The following SGIP1 variants were observed in gnomAD, a reference collection of about 807,000 sequenced individuals.
SGIP1 encodes SH3-containing GRB2-like protein 3-interacting protein 1.
Under a neutral mutation model 107.5 loss-of-function variants are expected in SGIP1, and 38 were observed. The ratio of observed to expected loss-of-function variants is 0.35; its 90% CI spans 0.27 to 0.46. The LOEUF (loss-of-function observed/expected upper bound fraction) is 0.46. SGIP1 is among the 20% of genes least tolerant of loss of function. The pLI, the probability that SGIP1 is intolerant of heterozygous loss-of-function variation, is 1.00. For synonymous variants in SGIP1, 365 were observed against 366.1 expected (o/e 1.00, Z 0.03); for missense variants, 929 against 1,019.5 (o/e 0.91, Z 1.21).
At chr1:66,621,627 A>G (rs2071155234) in intron 1 of SGIP1, among the ~76,000 whole-genome samples, 1 of 152,220 alleles carries the variant, frequency 6.6e-6, no homozygotes, top group Admixed American at 6.5e-5. Flanking sequence ...GGCCTCTGTC[A>G]ACCTCCAATC....
rs147085081 is a variant in SGIP1, at chr1:66,702,795, G to A, written c.1630+7302G>A. ...TATGTCTGTCATACAAAGGCCAATA[G>A]GTTTAAAATAGATAAACATTGGGCA... On this transcript the variant is annotated intron_variant, in intron 18 of 24. Transcript: ENST00000371037. Among the ~76,000 whole-genome samples, 305 of 152,198 alleles carry A rather than the reference G, an allele frequency of 2.0e-3. 1 individual carries two copies. The highest frequency in any genetic ancestry group is 6.9e-3 in the African/African-American group (285 of 41,528).
chr1:66,594,443 A>C (rs1641203322), intron 1 of SGIP1, among the ~76,000 whole-genome samples: 1 of 152,080 alleles, frequency 6.6e-6, no homozygotes, highest in African/African-American at 2.4e-5. Flanking sequence ...AGTGTGATGA[A>C]GAAGAGTGTG....
intron 19 of SGIP1, among the ~76,000 whole-genome samples, chr1:66,725,921 G>A (rs1451041284): frequency 6.6e-6 from 1 of 152,228 alleles, no homozygotes; most frequent in East Asian, 1.9e-4. Context: ...TGGCAGTGGA[G>A]AAGGTGTGAA....
chr1:66,656,989 G>A (rs72669468), intron 7 of SGIP1, among the ~76,000 whole-genome samples: 19,318 of 151,684 alleles, frequency 0.13, 1,703 homozygotes, highest in Middle Eastern at 0.2. Context: ...GCAACATAGC[G>A]AGACCCCGTC....
At chr1:66,651,726 G>A (rs556725209) in intron 7 of SGIP1, among the ~76,000 whole-genome samples, 18 of 152,238 alleles carry the variant, frequency 1.2e-4, no homozygotes, top group African/African-American at 3.4e-4. Context: ...ACAGGAGAGC[G>A]AGGCTGAGTT....
intron 24 of SGIP1, among the ~76,000 whole-genome samples, chr1:66,742,509 G>A (rs367660646): frequency 4.2e-3 from 312 of 74,018 alleles, no homozygotes; most frequent in Middle Eastern, 0.012. Flanking sequence ...TCACTCTGTC[G>A]CCCAGGCTGG....
intron 17 of SGIP1, among the ~76,000 whole-genome samples, chr1:66,693,971 A>AAAAGC (rs2150138220): frequency 6.6e-6 from 1 of 152,356 alleles, no homozygotes; most frequent in African/African-American, 2.4e-5. Context: ...TGGCCATGTT[A>AAAAGC]AAAGCATCTA....
intron 5 of SGIP1, among the ~76,000 whole-genome samples, chr1:66,640,964 G>A (rs1237461646): frequency 2.6e-5 from 4 of 152,104 alleles, no homozygotes; most frequent in African/African-American, 7.2e-5. Flanking sequence ...GAACCCGGGA[G>A]GCAGAGGTTG....
intron 7 of SGIP1, among the ~76,000 whole-genome samples, chr1:66,651,246 A>G (rs2078693021): frequency 1.3e-5 from 2 of 152,192 alleles, no homozygotes; most frequent in Admixed American, 1.3e-4. Flanking sequence ...AGCTGTGAAC[A>G]CGAGTGCTGT....
chr1:66,599,841 C>A (rs1032662957), intron 1 of SGIP1, among the ~76,000 whole-genome samples: 4 of 152,150 alleles, frequency 2.6e-5, no homozygotes, highest in African/African-American at 9.7e-5. Flanking sequence ...GATGGCTGAT[C>A]CTGCATTTCA....
intron 1 of SGIP1, among the ~76,000 whole-genome samples, chr1:66,572,630 A>G (rs1046952283): frequency 3.3e-5 from 5 of 152,068 alleles, no homozygotes; most frequent in African/African-American, 9.7e-5. Flanking sequence ...GACTTTGTGT[A>G]TCATCAACTT....
chr1:66,740,787 A>T lies in SGIP1; in HGVS notation c.2299+65A>T, dbSNP rs973776395. 3.9e-6 allele frequency: 4 copies of T among 1,016,600 alleles called. No individual in the cohort carries two copies. The African/African-American group carries it at 6.5e-5, about 16-fold the overall frequency. 63.0% of individuals were successfully genotyped at this position (1,016,600 alleles called of 1,614,324 possible). On this transcript the variant is annotated intron_variant, in intron 23 of 24. Coordinates refer to ENST00000371037, the MANE Select transcript of SGIP1 (RefSeq NM_032291.4). Reference sequence around the variant, plus strand: ...CTAAAATGGCTTTAGGTATTTGCCAACTATTACCCAAAACATGTAGCAATA... The same window carrying T: ...CTAAAATGGCTTTAGGTATTTGCCATCTATTACCCAAAACATGTAGCAATA...
At position 66,677,007 on chromosome 1, in the gene SGIP1, T is replaced by C. The variant is rs570677786; in HGVS notation, c.650T>C (p.Leu217Pro). 6 of 1,607,998 alleles carry C rather than the reference T, an allele frequency of 3.7e-6. No homozygotes were observed. The African/African-American group carries it at 8.0e-5, about 22-fold the overall frequency. Residue 217 changes from leucine (L) to proline (P), a missense_variant, in exon 13 of 25, where the codon CTT becomes CCT. By Grantham distance (98) the Leu-to-Pro change is moderately conservative. This residue lies in a region of SGIP1 where 588 missense variants were observed against 588.6 expected (regional missense o/e 1.00). Coordinates refer to ENST00000371037, the MANE Select transcript of SGIP1 (RefSeq NM_032291.4). ...AAATCTTCTTTTTTGTTTCCAGTTCTTTTAGATCAGCCTGAGATATGGGGT... is the reference window on the plus strand; with the variant it reads ...AAATCTTCTTTTTTGTTTCCAGTTCCTTTAGATCAGCCTGAGATATGGGGT... ...SAFDEQKTEV[L>P]LDQPEIWGSG...
At chr1:66,583,315 C>T (rs930924067) in intron 1 of SGIP1, among the ~76,000 whole-genome samples, 1 of 152,028 alleles carries the variant, frequency 6.6e-6, no homozygotes, top group Non-Finnish European at 1.5e-5. Context: ...GTAATGTTTG[C>T]ACTGGAAAAT....
intron 1 of SGIP1, among the ~76,000 whole-genome samples, chr1:66,594,123 T>C (rs372433608): frequency 6.6e-6 from 1 of 152,102 alleles, no homozygotes; most frequent in Non-Finnish European, 1.5e-5. Flanking sequence ...TTGGTAGCCA[T>C]AAAATCTAGA....
At chr1:66,583,719 T>G (rs1213857931) in intron 1 of SGIP1, among the ~76,000 whole-genome samples, 2 of 152,134 alleles carry the variant, frequency 1.3e-5, no homozygotes, top group Non-Finnish European at 2.9e-5. Flanking sequence ...TTCTGCATAC[T>G]CCTTAGTCAC....
intron 1 of SGIP1, among the ~76,000 whole-genome samples, chr1:66,600,001 C>T (rs547643032): frequency 3.1e-4 from 47 of 152,144 alleles, no homozygotes; most frequent in South Asian, 8.3e-4. Context: ...AACCCAAGGT[C>T]CAATGAATGC....
At chr1:66,661,804 T>TTC (rs3077735) in intron 8 of SGIP1, among the ~76,000 whole-genome samples, 105,355 of 151,860 alleles carry the variant, frequency 0.69, 38,312 homozygotes, top group East Asian at 1. Context: ...GCTTTAAAAA[T>TTC]TCTCTTTTTC....
intron 21 of SGIP1, among the ~76,000 whole-genome samples, chr1:66,736,923 T>C (rs1350780478): frequency 6.6e-6 from 1 of 152,038 alleles, no homozygotes; most frequent in African/African-American, 2.4e-5. Context: ...GAATATAATT[T>C]TTTCTTGTGA....
Sources: gnomAD v4.1 joint callset for allele counts (sites outside exome capture counted in the v4.1 genomes callset) on GRCh38, gnomAD v4.1.1 for gene constraint, gnomAD v4.1.1 regional missense constraint, MANE v1.5 for transcripts, NCBI Gene and HGNC (gene_info 2026-07-23, HGNC 2026-07-21) for gene names.